MICAL3: variants seen among roughly 807,000 people sequenced by gnomAD.
MICAL3 encodes the protein microtubule associated monooxygenase, calponin and LIM domain containing 3, also known as [F-actin]-monooxygenase MICAL3.
MICAL3 carries 62 observed loss-of-function variants against 207.4 expected under a neutral mutation model. The ratio of observed to expected loss-of-function variants is 0.30; its 90% CI spans 0.24 to 0.37. MICAL3 has a LOEUF of 0.37. MICAL3 is among the 10% of genes least tolerant of loss of function. The pLI is 1.00. For synonymous variants in MICAL3, 1,077 were observed against 1,069.3 expected (o/e 1.01, Z -0.14); for missense variants, 2,368 against 2,635.6 (o/e 0.90, Z 2.22).
At chr22:17,877,745 A>G (rs1002562519) in intron 16 of MICAL3, among the ~76,000 whole-genome samples, 1 of 152,034 alleles carries the variant, frequency 6.6e-6, no homozygotes, top group Non-Finnish European at 1.5e-5. Flanking sequence ...TTGCCTCCTG[A>G]GCTCAAAAAC....
At chr22:17,961,200 G>A (rs1183692495) in intron 1 of MICAL3, among the ~76,000 whole-genome samples, 1 of 152,152 alleles carries the variant, frequency 6.6e-6, no homozygotes, top group East Asian at 1.9e-4. Flanking sequence ...CAAACATGAA[G>A]GCAGGGCTCA....
chr22:17,864,058 G>C (rs1356915336), intron 19 of MICAL3: 2 of 985,986 alleles, frequency 2.0e-6, no homozygotes, highest in Middle Eastern at 5.2e-4. Flanking sequence ...AGCAGTTTGT[G>C]GAGCTCTGGA....
chr22:17,810,799 C>T lies in MICAL3; in HGVS notation c.5460G>A (p.Thr1820=), dbSNP rs199957907. Residue 1820 remains threonine (T), a synonymous_variant, in exon 28 of 32, where the codon ACG becomes ACA. Transcript: ENST00000441493. The part of the protein sequence containing the change: ...QKSRREPRTY[T]EEELNAKLTR... Reference sequence around the variant, plus strand: ...TCAGCTTGGCATTCAGTTCCTCCTCCGTGTAGGTTCTTGGCTGGAGAGAAC... The same window carrying T: ...TCAGCTTGGCATTCAGTTCCTCCTCTGTGTAGGTTCTTGGCTGGAGAGAAC... 16 of 1,613,872 alleles carry T rather than the reference C, an allele frequency of 9.9e-6. No individual in the cohort carries two copies. The highest frequency in any genetic ancestry group is 3.3e-4 in the Middle Eastern group (2 of 6,062).
chr22:17,887,058 C>A, intron 15 of MICAL3, 112 bp downstream of exon 15: 10 of 389,066 alleles, frequency 2.6e-5, no homozygotes, highest in East Asian at 5.3e-5. Flanking sequence ...CAGAAATTCT[C>A]ATAAAGGATG....
chr22:17,991,914 G>A (rs1921724492), intron 1 of MICAL3, among the ~76,000 whole-genome samples: 1 of 152,108 alleles, frequency 6.6e-6, no homozygotes, highest in Admixed American at 6.5e-5. Context: ...AACCAGCTTC[G>A]AGGCCGTGGT....
chr22:17,968,041 CAA>C (rs34366249), intron 1 of MICAL3, among the ~76,000 whole-genome samples: 4 of 127,086 alleles, frequency 3.1e-5, no homozygotes, highest in East Asian at 2.5e-4. Flanking sequence ...GACTCCGTCT[CAA>C]AAAAAAAAAA....
Position 17,816,697 on chromosome 22 carries a change from C to A in MICAL3, c.5438G>T (p.Arg1813Leu), listed in dbSNP as rs371090779. Residue 1813 changes from arginine to leucine, a missense_variant, in exon 27 of 32, where the codon CGG becomes CTG. By Grantham distance (102) the Arg-to-Leu change is moderately radical. Transcript: ENST00000441493. ...DVLEKSSQKS[R>L]REPRTYTEEE... ...CCCTGCCTGACTACCCACCTCTCGC[C>A]GGGACTTCTGTGAGGACTTCTCAAG... The A allele has an allele frequency of 2.6e-6, 4 of 1,552,504 alleles. No homozygotes were observed. Among genetic ancestry groups the A allele is most frequent in the Non-Finnish European group, 3.5e-6 (4 of 1,147,628 alleles).
intron 16 of MICAL3, 90 bp downstream of exon 16, chr22:17,885,788 T>A (rs1215523904): frequency 7.2e-7 from 1 of 1,383,982 alleles, no homozygotes; most frequent in Non-Finnish European, 1.0e-6. Flanking sequence ...CTGGGGTCTG[T>A]GACACAGCCC....
intron 20 of MICAL3, among the ~76,000 whole-genome samples, chr22:17,838,799 A>C (rs1325893091): frequency 6.6e-6 from 1 of 152,122 alleles, no homozygotes; most frequent in African/African-American, 2.4e-5. Context: ...CTTCCAGTCT[A>C]ACATCTCAGC....
intron 16 of MICAL3, among the ~76,000 whole-genome samples, chr22:17,884,711 T>G (rs1280399199): frequency 6.6e-6 from 1 of 152,216 alleles, no homozygotes; most frequent in Non-Finnish European, 1.5e-5. Flanking sequence ...AGAGGCAACC[T>G]TCCTCTAACG....
At chr22:17,795,592 A>C (rs2061867360) in intron 29 of MICAL3, among the ~76,000 whole-genome samples, 2 of 152,256 alleles carry the variant, frequency 1.3e-5, no homozygotes, top group Admixed American at 6.5e-5. Flanking sequence ...AATACTGGGA[A>C]CAGAATTAGG....
intron 1 of MICAL3, among the ~76,000 whole-genome samples, chr22:17,942,720 C>T (rs532376960): frequency 6.6e-6 from 1 of 152,322 alleles, no homozygotes; most frequent in Admixed American, 6.5e-5. Context: ...ATGACAAGCA[C>T]CTAGAGATGC....
chr22:17,929,563 CTTTTCTTT>C (rs779671712), intron 1 of MICAL3, among the ~76,000 whole-genome samples: 1,121 of 95,590 alleles, frequency 0.012, 8 homozygotes, highest in Middle Eastern at 0.033. Context: ...CTTTCCTTTT[CTTTTCTTT>C]TTTTTTTTTT....
intron 1 of MICAL3, among the ~76,000 whole-genome samples, chr22:18,000,282 T>C (rs1305910040): frequency 6.6e-6 from 1 of 151,152 alleles, no homozygotes; most frequent in South Asian, 2.1e-4. Context: ...CTGTCCACAG[T>C]TGACCTTCAT....
intron 1 of MICAL3, among the ~76,000 whole-genome samples, chr22:17,967,745 T>C (rs747699104): frequency 1.3e-5 from 2 of 151,502 alleles, no homozygotes; most frequent in Non-Finnish European, 2.9e-5. Context: ...CCTTCTCTAT[T>C]GTAAAAATGA....
At chr22:17,973,492 G>A (rs906484146) in intron 1 of MICAL3, among the ~76,000 whole-genome samples, 1 of 152,196 alleles carries the variant, frequency 6.6e-6, no homozygotes, top group Non-Finnish European at 1.5e-5. Context: ...GCAGCACAGG[G>A]TGTGAAGCTG....
At chr22:17,966,455 T>G (rs1359317943) in intron 1 of MICAL3, among the ~76,000 whole-genome samples, 1 of 152,194 alleles carries the variant, frequency 6.6e-6, no homozygotes, top group East Asian at 1.9e-4. Context: ...TTCCAAACAA[T>G]TCAATCCTTA....
chr22:17,946,190 C>G (rs955810982), intron 1 of MICAL3, among the ~76,000 whole-genome samples: 1 of 152,112 alleles, frequency 6.6e-6, no homozygotes, highest in African/African-American at 2.4e-5. Context: ...CAGTTTTAAC[C>G]GGAGCAGCTC....
chr22:17,796,178 G>C lies in MICAL3; in HGVS notation c.5651-4877C>G, dbSNP rs2061874744. Among the ~76,000 whole-genome samples the C allele has an allele frequency of 6.6e-6, 1 of 152,192 alleles. No homozygotes were observed. Among genetic ancestry groups the C allele is most frequent in the South Asian group, 2.1e-4 (1 of 4,830 alleles). On this transcript the variant is annotated intron_variant, in intron 29 of 31. Transcript: ENST00000441493. The surrounding 1 kb of genome is among the most constrained non-coding windows in gnomAD (Gnocchi z 4.4). ...CTGGTCAGAGGACCCCTCCTCCCTG[G>C]AGCACTCTGCTGCGTCTCCAACACT...
Sources: allele counts gnomAD v4.1 joint callset (sites outside exome capture counted in the v4.1 genomes callset), GRCh38; gene constraint gnomAD v4.1.1; non-coding constraint Gnocchi (gnomAD v3.1); transcripts MANE v1.5; gene names NCBI Gene and HGNC (gene_info 2026-07-23, HGNC 2026-07-21).